Variants in IMPA1 observed in about 807,000 individuals in gnomAD.
IMPA1 encodes the protein inositol monophosphatase 1, also known as D-galactose 1-phosphate phosphatase.
IMPA1 carries 21 observed loss-of-function variants against 34.9 expected under a neutral mutation model. That is an observed-to-expected ratio of 0.60 (90% confidence interval 0.43 to 0.87). The LOEUF (loss-of-function observed/expected upper bound fraction) is 0.87. IMPA1 is among the 40% of genes least tolerant of loss of function. IMPA1 has a pLI of 0.00. For missense variants in IMPA1, 299 were observed against 336.4 expected (o/e 0.89, Z 0.87); for synonymous variants, 95 against 104.4 (o/e 0.91, Z 0.55).
intron 4 of IMPA1, 79 bp from the exon 5 acceptor site, chr8:81,676,358 A>G: frequency 1.5e-6 from 1 of 665,942 alleles, no homozygotes; most frequent in Admixed American, 3.8e-5. Context: ...TTCATAATAT[A>G]AGTGTTCTTA....
chr8:81,666,392 G>C (rs995456821), intron 7 of IMPA1, among the ~76,000 whole-genome samples: 1 of 152,098 alleles, frequency 6.6e-6, no homozygotes, highest in African/African-American at 2.4e-5. Context: ...CAACAGAATT[G>C]AGACAAAAAC....
At chr8:81,666,653 C>T (rs1806830633) in intron 7 of IMPA1, among the ~76,000 whole-genome samples, 2 of 152,068 alleles carry the variant, frequency 1.3e-5, no homozygotes. Flanking sequence ...GTGGGTGGAT[C>T]ACTTGAGGTC....
At chr8:81,660,778 G>A in intron 7 of IMPA1, 111 bp from the exon 8 acceptor site, 14 of 688,010 alleles carry the variant, frequency 2.0e-5, no homozygotes, top group South Asian at 1.5e-4. Flanking sequence ...ACGATCTAGA[G>A]GATAAAGATT....
chr8:81,661,782 C>A (rs1806681822), intron 7 of IMPA1, among the ~76,000 whole-genome samples: 1 of 152,118 alleles, frequency 6.6e-6, no homozygotes, highest in South Asian at 2.1e-4. Context: ...AGACAATGTC[C>A]CTTTTATTAA....
Position 81,660,958 on chromosome 8 carries a change from G to C in IMPA1, c.567-291C>G, listed in dbSNP as rs559956930. ...ATGCTTAATTCTACAATAATGAAAT[G>C]CAAGTATATTAATATTTGTCTAAAT... On this transcript the variant is annotated intron_variant, in intron 7 of 8. Coordinates refer to ENST00000256108, the MANE Select transcript of IMPA1 (RefSeq NM_005536.4). Among the ~76,000 whole-genome samples, 3 of 152,190 alleles carry C rather than the reference G, an allele frequency of 2.0e-5. No homozygotes were observed. The South Asian group carries it at 6.2e-4, about 32-fold the overall frequency.
At chr8:81,672,733 G>A (rs1269043321) in intron 6 of IMPA1, among the ~76,000 whole-genome samples, 1 of 152,150 alleles carries the variant, frequency 6.6e-6, no homozygotes, top group African/African-American at 2.4e-5. Flanking sequence ...GAGGCCAACA[G>A]ATGTAATAGA....
At chr8:81,685,766 C>G in intron 1 of IMPA1, 1 of 1,516,174 alleles carries the variant, frequency 6.6e-7, no homozygotes, top group Non-Finnish European at 8.9e-7. Context: ...TACTCACTTT[C>G]ATTTTCCCAA....
At chr8:81,676,495 C>CA (rs1174655859) in intron 4 of IMPA1, among the ~76,000 whole-genome samples, 2 of 152,040 alleles carry the variant, frequency 1.3e-5, no homozygotes, top group South Asian at 2.1e-4. Flanking sequence ...ACCCTCCCCC[C>CA]AACACACAGG....
chr8:81,663,148 T>C (rs1196260798), intron 7 of IMPA1, among the ~76,000 whole-genome samples: 2 of 152,220 alleles, frequency 1.3e-5, no homozygotes. Context: ...TTAGTTTTTA[T>C]TTCAGCCAAC....
rs1806554958 is a variant in IMPA1, at chr8:81,657,604, C to A, written c.*1747G>T. Reference sequence around the variant, plus strand: ...TTCAAAAAACAAAAACAAAACAAAGCCTCTAAAAGTAGTTTGAACTATTAA... The same window carrying A: ...TTCAAAAAACAAAAACAAAACAAAGACTCTAAAAGTAGTTTGAACTATTAA... On this transcript the variant is annotated 3_prime_UTR_variant, in exon 9 of 9. Transcript: ENST00000256108. Among the ~76,000 whole-genome samples the A allele has an allele frequency of 6.6e-6, 1 of 151,588 alleles. No individual in the cohort carries two copies. The highest frequency in any genetic ancestry group is 6.6e-5 in the Admixed American group (1 of 15,178).
At position 81,674,547 on chromosome 8, in the gene IMPA1, T is replaced by A. The variant is rs2130294024; in HGVS notation, c.349-598A>T. Reference sequence around the variant, plus strand: ...ATGCCTTGTCTGAAGAATTGGAGTCTACTGGCTCAAGACTTATTCAATACT... The same window carrying A: ...ATGCCTTGTCTGAAGAATTGGAGTCAACTGGCTCAAGACTTATTCAATACT... On this transcript the variant is annotated intron_variant, in intron 5 of 8. Coordinates refer to ENST00000256108, the MANE Select transcript of IMPA1 (RefSeq NM_005536.4). 4.0e-5 allele frequency: 11 copies of A among 277,130 alleles called. 2 individuals are homozygous for A. The highest frequency in any genetic ancestry group is 3.3e-4 in the South Asian group (10 of 30,360). 17.2% of individuals were successfully genotyped at this position (277,130 alleles called of 1,614,324 possible). A position where few individuals can be genotyped will look rare whatever the true frequency, so the allele number is the denominator to read the frequency against.
chr8:81,682,734 T>A (rs145105335), intron 1 of IMPA1, among the ~76,000 whole-genome samples: 1 of 152,066 alleles, frequency 6.6e-6, no homozygotes, highest in African/African-American at 2.4e-5. Flanking sequence ...CTCAAGCCAC[T>A]CACACCCCCG....
intron 7 of IMPA1, among the ~76,000 whole-genome samples, chr8:81,668,217 C>T (rs1265449241): frequency 1.3e-5 from 2 of 152,132 alleles, no homozygotes; most frequent in Non-Finnish European, 2.9e-5. Context: ...GAAGTAGCTG[C>T]ATGGTTACTT....
intron 6 of IMPA1, among the ~76,000 whole-genome samples, chr8:81,672,921 G>C (rs1231952836): frequency 6.6e-6 from 1 of 152,104 alleles, no homozygotes; most frequent in African/African-American, 2.4e-5. Context: ...CATAAACCAT[G>C]AATTCCACAA....
At chr8:81,674,458 T>C in intron 5 of IMPA1, 1 of 238,118 alleles carries the variant, frequency 4.2e-6, no homozygotes, top group Non-Finnish European at 8.4e-6. Flanking sequence ...GCTTCTGCCC[T>C]GATCACTCAT....
At chr8:81,677,606 A>T (rs1384595460) in intron 4 of IMPA1, among the ~76,000 whole-genome samples, 1 of 152,264 alleles carries the variant, frequency 6.6e-6, no homozygotes, top group East Asian at 1.9e-4. Context: ...TCAAGGAAAT[A>T]GACAAGATCA....
In IMPA1 at chr8:81,676,265, G is replaced by T; in HGVS notation, c.317C>A (p.Ala106Asp). Residue 106 changes from alanine to aspartate, a missense_variant, in exon 5 of 9, where the codon GCT (alanine) becomes GAT (aspartate). Physicochemically the swap from Ala to Asp is moderately radical, Grantham distance 126. Transcript: ENST00000256108. ...ATTTACAGCAAAGCCAATTGAAACA[G>T]CTACAAAAGGAAATCTTTTTTTAAA... Reference protein sequence around the residue: ...TNFVHRFPFVAVSIGFAVNKK... With the variant: ...TNFVHRFPFVDVSIGFAVNKK... 7.5e-7 allele frequency: 1 copy of T among 1,337,408 alleles called. No individual in the cohort carries two copies. The highest frequency in any genetic ancestry group is 1.0e-6 in the Non-Finnish European group (1 of 980,998). 82.8% of individuals were successfully genotyped at this position (1,337,408 alleles called of 1,614,324 possible).
At chr8:81,685,590 T>G (rs1807490861) in intron 1 of IMPA1, among the ~76,000 whole-genome samples, 1 of 146,954 alleles carries the variant, frequency 6.8e-6, no homozygotes, top group Non-Finnish European at 1.5e-5. Flanking sequence ...AGTATATTTA[T>G]GTACTATATA....
At chr8:81,671,961 G>A (rs1807000447) in intron 6 of IMPA1, among the ~76,000 whole-genome samples, 1 of 152,256 alleles carries the variant, frequency 6.6e-6, no homozygotes, top group Non-Finnish European at 1.5e-5. Context: ...ACTATGCAAA[G>A]GAAAAGAGTT....
Sources: gnomAD v4.1 joint callset for allele counts (sites outside exome capture counted in the v4.1 genomes callset) on GRCh38, gnomAD v4.1.1 for gene constraint, MANE v1.5 for transcripts, NCBI Gene and HGNC (gene_info 2026-07-23, HGNC 2026-07-21) for gene names.